The following MAST4 variants were observed in gnomAD, a reference collection of about 807,000 sequenced individuals.
The protein encoded by MAST4 is microtubule associated serine/threonine kinase family member 4.
Under a neutral mutation model 162.7 loss-of-function variants are expected in MAST4, and 89 were observed. The ratio of observed to expected loss-of-function variants is 0.55; its 90% CI spans 0.46 to 0.65. The LOEUF (loss-of-function observed/expected upper bound fraction) is 0.65. MAST4 is among the 30% of genes least tolerant of loss of function. The pLI, the probability that MAST4 is intolerant of heterozygous loss-of-function variation, is 0.00. For missense variants in MAST4, 3,153 were observed against 3,374.0 expected (o/e 0.93, Z 1.62); for synonymous variants, 1,479 against 1,361.1 (o/e 1.09, Z -1.91).
At chr5:66,664,435 C>CAAAAAAAAAAA (rs58704256) in intron 1 of MAST4, among the ~76,000 whole-genome samples, 47 of 93,800 alleles carry the variant, frequency 5.0e-4, no homozygotes, top group Non-Finnish European at 5.7e-4. Flanking sequence ...AACTCCATTT[C>CAAAAAAAAAAA]AAAAAAAAAA....
chr5:66,694,355 T>A (rs1031079832), intron 1 of MAST4, among the ~76,000 whole-genome samples: 5 of 152,238 alleles, frequency 3.3e-5, no homozygotes, highest in Admixed American at 2.0e-4. Context: ...TTAGCTCATA[T>A]AAGTCAGCTT....
chr5:66,973,289 G>A (rs1465817389), intron 4 of MAST4, among the ~76,000 whole-genome samples: 1 of 144,634 alleles, frequency 6.9e-6, no homozygotes, highest in African/African-American at 2.5e-5. Flanking sequence ...GTCTGTGAAA[G>A]TTTTTTTTTT....
chr5:66,691,741 C>T (rs886851000), intron 1 of MAST4, among the ~76,000 whole-genome samples: 5 of 152,164 alleles, frequency 3.3e-5, no homozygotes, highest in African/African-American at 4.8e-5. Context: ...TGAGGGGATC[C>T]GCTTTCATGA....
At position 66,642,979 on chromosome 5, in the gene MAST4, C is replaced by T. The variant is rs548570217; in HGVS notation, c.363+45961C>T. On this transcript the variant is annotated intron_variant, in intron 1 of 28. Transcript: ENST00000403625. Reference sequence around the variant, plus strand: ...GCCATGAGTGTAAATTGAACCATACCTTTTGAACATAAACCATCATGTAAA... The same window carrying T: ...GCCATGAGTGTAAATTGAACCATACTTTTTGAACATAAACCATCATGTAAA... Among the ~76,000 whole-genome samples, 3 of 152,272 alleles carry T rather than the reference C, an allele frequency of 2.0e-5. No individual in the cohort carries two copies. The South Asian group carries it at 6.2e-4, about 32-fold the overall frequency.
At chr5:67,070,649 A>G (rs1760841710) in intron 5 of MAST4, among the ~76,000 whole-genome samples, 1 of 152,224 alleles carries the variant, frequency 6.6e-6, no homozygotes, top group African/African-American at 2.4e-5. Context: ...AACTGCTATA[A>G]TACTGGAAAC....
chr5:67,155,305 C>G (rs996296458), intron 26 of MAST4, among the ~76,000 whole-genome samples: 6 of 152,218 alleles, frequency 3.9e-5, no homozygotes, highest in African/African-American at 1.4e-4. Flanking sequence ...TCCAGTTCAG[C>G]TCCCCACTGG....
At chr5:66,662,246 T>C (rs1439372155) in intron 1 of MAST4, 1 of 152,182 alleles carries the variant, frequency 6.6e-6, no homozygotes, top group Non-Finnish European at 1.5e-5. Context: ...ACAACACTCT[T>C]TGGACTATTC....
At chr5:67,010,967 G>A (rs535426999) in intron 4 of MAST4, among the ~76,000 whole-genome samples, 4 of 152,268 alleles carry the variant, frequency 2.6e-5, no homozygotes, top group East Asian at 3.9e-4. Context: ...CTGCACATTC[G>A]TGGCTGGCCC....
At chr5:66,889,396 T>G (rs1253399030) in intron 3 of MAST4, among the ~76,000 whole-genome samples, 1 of 152,210 alleles carries the variant, frequency 6.6e-6, no homozygotes, top group East Asian at 1.9e-4. Context: ...GACTTTAATT[T>G]TATAGAGATC....
At chr5:66,628,207 T>C (rs965649420) in intron 1 of MAST4, among the ~76,000 whole-genome samples, 1 of 152,164 alleles carries the variant, frequency 6.6e-6, no homozygotes, top group African/African-American at 2.4e-5. Context: ...AAATATTGTT[T>C]ATTTTTTGTG....
chr5:66,780,588 A>G (rs994865023), intron 2 of MAST4, among the ~76,000 whole-genome samples: 1 of 152,200 alleles, frequency 6.6e-6, no homozygotes, highest in Non-Finnish European at 1.5e-5. Context: ...TGAAGAGTGA[A>G]AGAACAAAGC....
chr5:66,832,044 A>T lies in MAST4; in HGVS notation c.642+43250A>T, dbSNP rs144775754. ...TGAAAGTATCCCTATCCCTAATGTG[A>T]TAGATCCTAAGGCTGGAGAACAATG... On this transcript the variant is annotated intron_variant, in intron 3 of 28. Coordinates refer to ENST00000403625, the MANE Select transcript of MAST4 (RefSeq NM_001164664.2). 6.6e-5 allele frequency among the ~76,000 whole-genome samples: 10 copies of T among 152,256 alleles called. No homozygotes were observed. The East Asian group carries it at 1.9e-3, about 29-fold the overall frequency.
At chr5:66,869,462 T>C (rs1760767310) in intron 3 of MAST4, among the ~76,000 whole-genome samples, 1 of 152,180 alleles carries the variant, frequency 6.6e-6, no homozygotes, top group South Asian at 2.1e-4. Flanking sequence ...CAAGACTATT[T>C]CCTTGCATTT....
intron 4 of MAST4, among the ~76,000 whole-genome samples, chr5:66,901,426 G>GTC (rs10662374): frequency 0.54 from 82,477 of 151,638 alleles, 22,900 homozygotes; most frequent in African/African-American, 0.63. Flanking sequence ...ACTTGAGTAA[G>GTC]TCAATTCTGT....
At chr5:67,117,734 G>GT (rs1767087177) in intron 12 of MAST4, among the ~76,000 whole-genome samples, 1 of 151,854 alleles carries the variant, frequency 6.6e-6, no homozygotes, top group South Asian at 2.1e-4. Context: ...ATTATTTCAT[G>GT]TTTTTTAAAT....
intron 4 of MAST4, among the ~76,000 whole-genome samples, chr5:67,049,063 A>ACACG (rs1181162807): frequency 2.0e-4 from 20 of 98,570 alleles, no homozygotes; most frequent in African/African-American, 7.7e-4. Flanking sequence ...ATATATACGT[A>ACACG]TATATATATA....
chr5:67,113,185 G>C (rs1766454013), intron 11 of MAST4, among the ~76,000 whole-genome samples: 1 of 151,772 alleles, frequency 6.6e-6, no homozygotes, highest in African/African-American at 2.4e-5. Flanking sequence ...GTGGTGGTGG[G>C]CGCCTGTAGT....
intron 4 of MAST4, among the ~76,000 whole-genome samples, chr5:67,033,170 C>T (rs1378030027): frequency 1.3e-5 from 2 of 149,914 alleles, no homozygotes; most frequent in South Asian, 4.2e-4. Flanking sequence ...GAACATCTAA[C>T]CCTTAAAAAA....
intron 3 of MAST4, among the ~76,000 whole-genome samples, chr5:66,813,180 G>T (rs1335766401): frequency 6.6e-6 from 1 of 152,194 alleles, no homozygotes; most frequent in South Asian, 2.1e-4. Flanking sequence ...TTATCACTTT[G>T]TGGGGAGCTT....
Sources: allele counts gnomAD v4.1 joint callset (sites outside exome capture counted in the v4.1 genomes callset), GRCh38; gene constraint gnomAD v4.1.1; transcripts MANE v1.5; gene names NCBI Gene and HGNC (gene_info 2026-07-23, HGNC 2026-07-21).